EPHA6: variants seen among roughly 807,000 people sequenced by gnomAD.
EPHA6 encodes the protein ephrin type-A receptor 6.
In EPHA6, 50 loss-of-function variants were observed where a neutral mutation model predicts 112.0. The observed-to-expected ratio is 0.45, with a 90% CI of 0.36 to 0.56. The LOEUF is 0.56. Among genes scored for constraint, EPHA6 ranks in the 20% least tolerant of loss-of-function variants. The pLI, the probability that EPHA6 is intolerant of heterozygous loss-of-function variation, is 0.00. For missense variants in EPHA6, 1,280 were observed against 1,417.4 expected (o/e 0.90, Z 1.56); for synonymous variants, 529 against 490.7 (o/e 1.08, Z -1.03).
intron 3 of EPHA6, among the ~76,000 whole-genome samples, chr3:97,201,955 G>C (rs1406361130): frequency 6.6e-6 from 1 of 152,104 alleles, no homozygotes; most frequent in Non-Finnish European, 1.5e-5. Flanking sequence ...CGTTGGCAAA[G>C]TACTCTAACT....
At chr3:96,898,993 A>G (rs910107652) in intron 2 of EPHA6, among the ~76,000 whole-genome samples, 1 of 150,774 alleles carries the variant, frequency 6.6e-6, no homozygotes, top group South Asian at 2.1e-4. Flanking sequence ...GCGCCACTGC[A>G]CTCCAGCCTG....
chr3:97,069,092 C>G (rs1179780615), intron 3 of EPHA6, among the ~76,000 whole-genome samples: 4 of 152,082 alleles, frequency 2.6e-5, no homozygotes, highest in African/African-American at 9.7e-5. Flanking sequence ...GTTGAAAATT[C>G]ACATGTAACT....
intron 14 of EPHA6, among the ~76,000 whole-genome samples, chr3:97,665,071 C>T (rs2094196085): frequency 2.0e-5 from 3 of 152,184 alleles, no homozygotes; most frequent in Admixed American, 1.3e-4. Context: ...TCAAACTCTA[C>T]TACAAGGCTA....
intron 1 of EPHA6, among the ~76,000 whole-genome samples, chr3:96,829,885 G>A (rs1216086341): frequency 6.6e-6 from 1 of 150,402 alleles, no homozygotes; most frequent in Non-Finnish European, 1.5e-5. Flanking sequence ...AAACTTTCAG[G>A]CAGTTGTTTA....
At chr3:97,027,572 G>A (rs1166769711) in intron 3 of EPHA6, among the ~76,000 whole-genome samples, 1 of 152,182 alleles carries the variant, frequency 6.6e-6, no homozygotes, top group African/African-American at 2.4e-5. Context: ...ACTAGTGTCA[G>A]TAGGATTTTA....
intron 2 of EPHA6, among the ~76,000 whole-genome samples, chr3:96,973,104 A>C (rs1365944385): frequency 6.6e-6 from 1 of 152,200 alleles, no homozygotes; most frequent in East Asian, 1.9e-4. Flanking sequence ...ACCCAAAAGG[A>C]ATCTGGTTTT....
chr3:97,643,544 C>T (rs1371891060), intron 14 of EPHA6, among the ~76,000 whole-genome samples: 3 of 146,482 alleles, frequency 2.0e-5, no homozygotes, highest in Non-Finnish European at 4.5e-5. Flanking sequence ...ATTCAGGAAA[C>T]CCATCTCACG....
At chr3:97,256,854 A>G (rs1576784278) in intron 5 of EPHA6, among the ~76,000 whole-genome samples, 1 of 152,154 alleles carries the variant, frequency 6.6e-6, no homozygotes, top group South Asian at 2.1e-4. Flanking sequence ...ACTTTTTAAC[A>G]TGGATTCTCA....
At chr3:97,246,653 T>C (rs1232293683) in intron 5 of EPHA6, among the ~76,000 whole-genome samples, 1 of 151,644 alleles carries the variant, frequency 6.6e-6, no homozygotes, top group African/African-American at 2.4e-5. Flanking sequence ...ATTAAAATAA[T>C]CAAAATATAT....
intron 16 of EPHA6, among the ~76,000 whole-genome samples, chr3:97,738,592 A>T (rs1238787777): frequency 1.3e-5 from 2 of 152,104 alleles, no homozygotes; most frequent in African/African-American, 4.8e-5. Flanking sequence ...GGTCAAGTCA[A>T]GATGAGAGGG....
intron 3 of EPHA6, among the ~76,000 whole-genome samples, chr3:97,189,732 G>T (rs2077250372): frequency 6.6e-6 from 1 of 151,752 alleles, no homozygotes; most frequent in Non-Finnish European, 1.5e-5. Flanking sequence ...AAACATACTT[G>T]GTCTACTTTT....
chr3:97,585,829 C>T (rs1411181235), intron 11 of EPHA6, among the ~76,000 whole-genome samples: 1 of 150,890 alleles, frequency 6.6e-6, no homozygotes, highest in Non-Finnish European at 1.5e-5. Flanking sequence ...ATTGTCATAT[C>T]AAAAATTATT....
intron 11 of EPHA6, among the ~76,000 whole-genome samples, chr3:97,556,143 C>T (rs1349305617): frequency 6.6e-6 from 1 of 151,952 alleles, no homozygotes; most frequent in African/African-American, 2.4e-5. Context: ...CTGCTTACAC[C>T]CTGCTTCACC....
intron 5 of EPHA6, among the ~76,000 whole-genome samples, chr3:97,297,267 C>T (rs932597371): frequency 3.9e-5 from 6 of 152,208 alleles, no homozygotes; most frequent in African/African-American, 1.4e-4. Context: ...CCCTTCCATG[C>T]TTCAGGTATT....
At chr3:97,251,341 T>C (rs1448721768) in intron 5 of EPHA6, among the ~76,000 whole-genome samples, 2 of 151,830 alleles carry the variant, frequency 1.3e-5, no homozygotes, top group Admixed American at 1.3e-4. Flanking sequence ...CCGTCCTGGC[T>C]AACACAGTGA....
intron 3 of EPHA6, among the ~76,000 whole-genome samples, chr3:97,092,099 A>ATTT (rs1559722622): frequency 3.5e-4 from 51 of 144,644 alleles, no homozygotes; most frequent in African/African-American, 1.1e-3. Flanking sequence ...TTTTTTTTTA[A>ATTT]AAAAAAAAAG....
intron 14 of EPHA6, among the ~76,000 whole-genome samples, chr3:97,706,044 C>T (rs990852283): frequency 6.6e-6 from 1 of 152,080 alleles, no homozygotes; most frequent in Admixed American, 6.5e-5. Context: ...ATTGCTTTGC[C>T]AAAATGTATT....
chr3:97,203,115 G>A (rs575150335), intron 3 of EPHA6, among the ~76,000 whole-genome samples: 1 of 152,170 alleles, frequency 6.6e-6, no homozygotes, highest in East Asian at 1.9e-4. Context: ...ATCAATTAGA[G>A]GCTTTATTAA....
chr3:96,917,808 G>A (rs1208766609), intron 2 of EPHA6, among the ~76,000 whole-genome samples: 1 of 152,044 alleles, frequency 6.6e-6, no homozygotes, highest in African/African-American at 2.4e-5. Context: ...CAGCCTCCCC[G>A]GGTGAGAAGG....
Sources: gnomAD v4.1 joint callset for allele counts (sites outside exome capture counted in the v4.1 genomes callset) on GRCh38, gnomAD v4.1.1 for gene constraint, MANE v1.5 for transcripts, NCBI Gene and HGNC (gene_info 2026-07-23, HGNC 2026-07-21) for gene names.